The following FIP1L1 variants were observed in gnomAD, a reference collection of about 807,000 sequenced individuals.
The protein encoded by FIP1L1 is pre-mRNA 3'-end-processing factor FIP1.
In FIP1L1, 21 loss-of-function variants were observed where a neutral mutation model predicts 84.6. The observed-to-expected ratio is 0.25, with a 90% CI of 0.18 to 0.36. FIP1L1 has a LOEUF of 0.36. Among genes scored for constraint, FIP1L1 ranks in the 10% least tolerant of loss-of-function variants. FIP1L1 has a pLI of 1.00. For synonymous variants in FIP1L1, 263 were observed against 242.3 expected (o/e 1.09, Z -0.80); for missense variants, 526 against 751.1 (o/e 0.70, Z 3.50).
rs115927178 is a variant in FIP1L1 at position 53,390,310 on chromosome 4, G to A, written c.398-211G>A. Among the ~76,000 whole-genome samples, 1,103 of 152,194 alleles carry A rather than the reference G, an allele frequency of 7.2e-3. 13 individuals are homozygous for A. Among genetic ancestry groups the A allele is most frequent in the African/African-American group, 0.025 (1,046 of 41,498 alleles). ...CACAGAGACTGGTAAAGTTTTTCTG[G>A]CAAGAGTCCAGTAGCACGTATTTTA... On this transcript the variant is annotated intron_variant, in intron 6 of 17. Transcript: ENST00000337488.
chr4:53,446,587 A>G (rs186917275), intron 15 of FIP1L1, among the ~76,000 whole-genome samples: 101 of 152,266 alleles, frequency 6.6e-4, no homozygotes, highest in African/African-American at 2.4e-3. Context: ...TGTAAAATAA[A>G]TTTTGACTAT....
At chr4:53,419,454 T>G (rs1347849659) in intron 11 of FIP1L1, among the ~76,000 whole-genome samples, 1 of 152,110 alleles carries the variant, frequency 6.6e-6, no homozygotes. Flanking sequence ...TACTTTTTAT[T>G]TTTTCAAGAC....
intron 11 of FIP1L1, among the ~76,000 whole-genome samples, chr4:53,423,541 T>C (rs573108780): frequency 6.6e-6 from 1 of 152,256 alleles, no homozygotes; most frequent in Admixed American, 6.5e-5. Context: ...GATTTTTAAA[T>C]TATTTGTCAG....
intron 13 of FIP1L1, chr4:53,440,668 A>G: frequency 8.5e-7 from 1 of 1,176,052 alleles, no homozygotes; most frequent in Non-Finnish European, 1.2e-6. Context: ...TCAAGCTTAT[A>G]GTTACAGGAG....
intron 6 of FIP1L1, 127 bp downstream of exon 6, chr4:53,390,000 G>T (rs9994692): frequency 3.1e-6 from 2 of 647,098 alleles, no homozygotes; most frequent in Non-Finnish European, 2.6e-6. Context: ...GTACAGTGGC[G>T]CAATCTTAGT....
chr4:53,388,174 A>G (rs1480594363), intron 5 of FIP1L1, among the ~76,000 whole-genome samples: 1 of 152,208 alleles, frequency 6.6e-6, no homozygotes, highest in African/African-American at 2.4e-5. Flanking sequence ...TAAGTCTTAA[A>G]TGTAGTACAT....
intron 13 of FIP1L1, among the ~76,000 whole-genome samples, chr4:53,428,907 GA>G (rs991184262): frequency 6.6e-6 from 1 of 152,148 alleles, no homozygotes; most frequent in African/African-American, 2.4e-5. Flanking sequence ...AGTAAATGAT[GA>G]AAAAATAGCT....
chr4:53,389,900 A>G (rs1743227761), intron 6 of FIP1L1, 27 bp downstream of exon 6: 1 of 1,542,116 alleles, frequency 6.5e-7, no homozygotes, highest in Non-Finnish European at 8.8e-7. Context: ...CTGTTGCATC[A>G]ATAGGGAAAT....
chr4:53,419,740 G>A (rs1040693403), intron 11 of FIP1L1, among the ~76,000 whole-genome samples: 12 of 152,136 alleles, frequency 7.9e-5, no homozygotes, highest in African/African-American at 2.7e-4. Flanking sequence ...CCACTATGCC[G>A]GCCCCATATA....
chr4:53,417,607 A>G (rs1372608380), intron 11 of FIP1L1, among the ~76,000 whole-genome samples: 1 of 129,928 alleles, frequency 7.7e-6, no homozygotes, highest in Non-Finnish European at 1.6e-5. Context: ...GTGCCATTGC[A>G]CTCCAGCCTA....
In FIP1L1 at chr4:53,390,469, C is replaced by T. The variant is rs867597145; in HGVS notation, c.398-52C>T. ...TATATTTTCTGTTTGTCTATGGTAT[C>T]GCCTGGCTTCTTGCAAGTATAGCTC... On this transcript the variant is annotated intron_variant, in intron 6 of 17. Coordinates refer to ENST00000337488, the MANE Select transcript of FIP1L1 (RefSeq NM_030917.4). 68 of 1,092,556 alleles carry T rather than the reference C, an allele frequency of 6.2e-5. 2 individuals carry two copies. In the Middle Eastern group the frequency reaches 2.2e-3, roughly 35 times the overall value. The allele number at this position is 1,092,556 out of a possible 1,614,324, so 67.7% of individuals were successfully genotyped here.
intron 15 of FIP1L1, among the ~76,000 whole-genome samples, chr4:53,445,852 T>G (rs1240603964): frequency 6.6e-6 from 1 of 152,148 alleles, no homozygotes; most frequent in Non-Finnish European, 1.5e-5. Flanking sequence ...TCAGCTACCT[T>G]CAGCTCAAAA....
intron 12 of FIP1L1, 86 bp downstream of exon 12, chr4:53,426,051 T>C: frequency 1.2e-6 from 1 of 858,378 alleles, no homozygotes; most frequent in South Asian, 1.9e-5. Flanking sequence ...ATAGTCATAG[T>C]GCTATGCTGT....
At chr4:53,424,184 G>C (rs780025736) in intron 11 of FIP1L1, among the ~76,000 whole-genome samples, 3 of 151,982 alleles carry the variant, frequency 2.0e-5, no homozygotes, top group Non-Finnish European at 4.4e-5. Flanking sequence ...GACAATGGAG[G>C]GCAGCAATTA....
At chr4:53,385,619 A>T (rs1439417087) in intron 5 of FIP1L1, among the ~76,000 whole-genome samples, 1 of 152,142 alleles carries the variant, frequency 6.6e-6, no homozygotes, top group East Asian at 1.9e-4. Context: ...TTATTTAGTT[A>T]CAGTTGTCTC....
chr4:53,414,253 A>C (rs1758453212), intron 10 of FIP1L1, among the ~76,000 whole-genome samples: 1 of 152,166 alleles, frequency 6.6e-6, no homozygotes, highest in South Asian at 2.1e-4. Context: ...CAAAATTTTT[A>C]GTAAGATTTT....
chr4:53,382,347 C>A lies in FIP1L1; in HGVS notation c.228+12C>A, dbSNP rs1448055587. 7.5e-6 allele frequency: 12 copies of A among 1,604,280 alleles called. No individual in the cohort carries two copies. The highest frequency in any genetic ancestry group is 1.0e-5 in the Non-Finnish European group (12 of 1,171,278). On this transcript the variant is annotated intron_variant, in intron 4 of 17. Coordinates refer to ENST00000337488, the MANE Select transcript of FIP1L1 (RefSeq NM_030917.4). The stretch of plus-strand genomic sequence containing the variant: ...GTGTACCAAAACCGGTAACATAAGG[C>A]TTTGAAATCCAGTTACTGATACAAA...
At position 53,428,011 on chromosome 4, in the gene FIP1L1, T is replaced by C. The variant is rs1218601452; in HGVS notation, c.1018-16T>C. 6.3e-7 allele frequency: 1 copy of C among 1,586,224 alleles called. No homozygotes were observed. Among genetic ancestry groups the C allele is most frequent in the East Asian group, 2.2e-5 (1 of 44,636 alleles). Reference sequence around the variant, plus strand: ...ATATTTATGCATCTGTTTAATTAACTGTGCTCTAATTTTAGGTCCTTTCTG... The same window carrying C: ...ATATTTATGCATCTGTTTAATTAACCGTGCTCTAATTTTAGGTCCTTTCTG... On this transcript the variant is annotated splice_polypyrimidine_tract_variant and intron_variant, in intron 12 of 17. Transcript: ENST00000337488.
chr4:53,453,184 A>C (rs573074516), intron 16 of FIP1L1, 51 bp downstream of exon 16: 2 of 1,597,434 alleles, frequency 1.3e-6, no homozygotes, highest in Admixed American at 1.7e-5. Flanking sequence ...AGCACTTACA[A>C]ATTTATTTTC....
Sources: gnomAD v4.1 joint callset for allele counts (sites outside exome capture counted in the v4.1 genomes callset) on GRCh38, gnomAD v4.1.1 for gene constraint, MANE v1.5 for transcripts, NCBI Gene and HGNC (gene_info 2026-07-23, HGNC 2026-07-21) for gene names.